DNAJB11: variants seen among roughly 807,000 people sequenced by gnomAD.
The protein encoded by DNAJB11 is dnaJ homolog subfamily B member 11.
DNAJB11 carries 30 observed loss-of-function variants against 47.2 expected under a neutral mutation model. The observed-to-expected ratio is 0.64, with a 90% confidence interval of 0.48 to 0.86. The LOEUF is 0.86. Ranked by LOEUF, DNAJB11 falls within the 40% of genes least tolerant of loss-of-function variation. The pLI, the probability that DNAJB11 is intolerant of heterozygous loss-of-function variation, is 0.00. For synonymous variants in DNAJB11, 151 were observed against 159.9 expected (o/e 0.94, Z 0.42); for missense variants, 357 against 440.2 (o/e 0.81, Z 1.69).
intron 1 of DNAJB11, among the ~76,000 whole-genome samples, chr3:186,571,412 G>A (rs1347989273): frequency 6.6e-6 from 1 of 152,178 alleles, no homozygotes; most frequent in Admixed American, 6.5e-5. Context: ...GCCCCGCTGA[G>A]GTGGAGAAGC....
intron 5 of DNAJB11, 124 bp downstream of exon 5, chr3:186,581,637 G>A (rs1423139579): frequency 2.7e-6 from 3 of 1,127,780 alleles, no homozygotes; most frequent in Non-Finnish European, 3.7e-6. Context: ...TTCTGCAAAA[G>A]GATAGAGCAA....
At chr3:186,580,157 C>G (rs1468927363) in intron 4 of DNAJB11, 2 of 152,182 alleles carry the variant, frequency 1.3e-5, no homozygotes, top group Non-Finnish European at 2.9e-5. Flanking sequence ...GCAGTTGTCA[C>G]TAATACACAG....
Position 186,584,599 on chromosome 3 carries a change from A to C in DNAJB11, c.1012+10A>C. 4.5e-6 allele frequency: 2 copies of C among 446,174 alleles called. No individual in the cohort carries two copies. Among genetic ancestry groups the C allele is most frequent in the Non-Finnish European group, 6.3e-6 (2 of 315,300 alleles). The allele number at this position is 446,174 out of a possible 1,614,324, so 27.6% of individuals were successfully genotyped here. ...GAGGAAGCGAGAGAAGGTATGGCATATTAGTGTGTGTGTGTGTGTGTGTTT... is the reference window on the plus strand; with the variant it reads ...GAGGAAGCGAGAGAAGGTATGGCATCTTAGTGTGTGTGTGTGTGTGTGTTT... On this transcript the variant is annotated intron_variant, in intron 9 of 9. Coordinates refer to ENST00000265028, the MANE Select transcript of DNAJB11 (RefSeq NM_016306.6).
At chr3:186,575,043 A>G (rs1435342332) in intron 2 of DNAJB11, among the ~76,000 whole-genome samples, 5 of 152,228 alleles carry the variant, frequency 3.3e-5, no homozygotes, top group African/African-American at 9.7e-5. Context: ...ATTCTTTAAT[A>G]TACAGAGAGA....
At position 186,585,551 on chromosome 3, in the gene DNAJB11, A is replaced by T. The variant is rs1389819155; in HGVS notation, c.*143A>T. ...TTTATCTAATGATCATCATGAAATG[A>T]ATAAGAGGGCTTAAGAATTTGTCCA... On this transcript the variant is annotated 3_prime_UTR_variant, in exon 10 of 10. Transcript: ENST00000265028. 3 of 514,036 alleles carry T rather than the reference A, an allele frequency of 5.8e-6. No individual in the cohort carries two copies. The highest frequency in any genetic ancestry group is 1.0e-5 in the Non-Finnish European group (3 of 294,066). The allele number at this position is 514,036 out of a possible 1,614,324, so 31.8% of individuals were successfully genotyped here.
At chr3:186,583,740 C>T (rs955404840) in intron 7 of DNAJB11, 125 bp from the exon 8 acceptor site, 3 of 698,536 alleles carry the variant, frequency 4.3e-6, no homozygotes, top group Non-Finnish European at 7.4e-6. Context: ...ATACTACACA[C>T]AAAAGTATGT....
At chr3:186,582,573 T>A in intron 6 of DNAJB11, 143 bp from the exon 7 acceptor site, 1 of 665,854 alleles carries the variant, frequency 1.5e-6, no homozygotes, top group Non-Finnish European at 2.7e-6. Flanking sequence ...TGAAACTTGA[T>A]ACAACCAGGC....
chr3:186,581,825 G>C (rs6770868), intron 5 of DNAJB11, among the ~76,000 whole-genome samples, 170 bp from the exon 6 acceptor site: 1 of 151,752 alleles, frequency 6.6e-6, no homozygotes, highest in African/African-American at 2.4e-5. Context: ...CTTCACCCTG[G>C]ATTTTAGCAT....
intron 7 of DNAJB11, 105 bp downstream of exon 7, chr3:186,582,878 C>A (rs1371140640): frequency 3.6e-6 from 3 of 830,330 alleles, no homozygotes; most frequent in South Asian, 3.0e-5. Flanking sequence ...ACCCTTATTA[C>A]CCTAAACGAT....
At chr3:186,579,565 A>G (rs1715412606) in intron 4 of DNAJB11, 1 of 152,160 alleles carries the variant, frequency 6.6e-6, no homozygotes, top group South Asian at 2.1e-4. Context: ...TATATGTGTT[A>G]TTCAGTTTGT....
At position 186,582,020 on chromosome 3, in the gene DNAJB11, G is replaced by A; in HGVS notation, c.625G>A (p.Glu209Lys). The change falls in exon 6 of 10, where the codon GAA becomes AAA. Residue 209 changes from glutamate (E) to lysine (K), a missense_variant. By Grantham distance (56) the Glu-to-Lys change is moderately conservative. Coordinates refer to ENST00000265028, the MANE Select transcript of DNAJB11 (RefSeq NM_016306.6). ...ACTAGTGAATGAAGAACGAACGCTG[G>A]AAGTAGAAATAGAGCCTGGGGTGAG... is the stretch of plus-strand genomic sequence containing the variant. ...VKLVNEERTL[E>K]VEIEPGVRDG... The A allele has an allele frequency of 6.2e-7, 1 of 1,613,770 alleles. No homozygotes were observed. The highest frequency in any genetic ancestry group is 8.5e-7 in the Non-Finnish European group (1 of 1,179,786).
In DNAJB11 at chr3:186,570,796, C is replaced by A; in HGVS notation, c.-102C>A. On this transcript the variant is annotated 5_prime_UTR_variant, in exon 1 of 10. Coordinates refer to ENST00000265028, the MANE Select transcript of DNAJB11 (RefSeq NM_016306.6). ...GACCAAGGAGACCCCCGCGCCCCCCCGGTGTGAGGCGGCCTCACAGGGCCG... is the reference window on the plus strand; with the variant it reads ...GACCAAGGAGACCCCCGCGCCCCCCAGGTGTGAGGCGGCCTCACAGGGCCG... The A allele has an allele frequency of 9.2e-7, 1 of 1,089,800 alleles. No homozygotes were observed. Among genetic ancestry groups the A allele is most frequent in the Non-Finnish European group, 1.3e-6 (1 of 741,904 alleles). The allele number at this position is 1,089,800 out of a possible 1,614,324, so 67.5% of individuals were successfully genotyped here. A position where few individuals can be genotyped will look rare whatever the true frequency, so the allele number is the denominator to read the frequency against.
intron 4 of DNAJB11, chr3:186,578,321 A>G (rs1715369324): frequency 6.6e-6 from 1 of 152,144 alleles, no homozygotes; most frequent in African/African-American, 2.4e-5. Context: ...GTTTTATTCA[A>G]TTCCAAACAG....
In DNAJB11 at chr3:186,581,658, A is replaced by AT. The variant is rs995944297; in HGVS notation, c.599+152dup. ...AAAAGGATAGAGCAAAACAATGTAC[A>AT]TTTTTTTCTGAAGTATTTGTAAATA... On this transcript the variant is annotated intron_variant, in intron 5 of 9. Coordinates refer to ENST00000265028, the MANE Select transcript of DNAJB11 (RefSeq NM_016306.6). 10 of 974,782 alleles carry AT rather than the reference A, an allele frequency of 1.0e-5. No individual in the cohort carries two copies. The East Asian group carries it at 2.7e-4, about 27-fold the overall frequency. 60.4% of individuals were successfully genotyped at this position (974,782 alleles called of 1,614,324 possible).
chr3:186,585,169 CAT>C (rs770400299), intron 9 of DNAJB11, among the ~76,000 whole-genome samples, 173 bp from the exon 10 acceptor site: 97 of 152,298 alleles, frequency 6.4e-4, no homozygotes, highest in Non-Finnish European at 1.1e-3. Flanking sequence ...CCTGGACACA[CAT>C]GTGCATGTGT....
chr3:186,572,303 A>T, intron 2 of DNAJB11, 52 bp downstream of exon 2: 1 of 1,502,730 alleles, frequency 6.7e-7, no homozygotes. Context: ...CTCTAGAAAA[A>T]ACATACAATA....
intron 6 of DNAJB11, among the ~76,000 whole-genome samples, chr3:186,582,313 A>G (rs1715514008): frequency 6.6e-6 from 1 of 152,236 alleles, no homozygotes; most frequent in African/African-American, 2.4e-5. Flanking sequence ...AGGTAGCCTA[A>G]GTTTCATCAA....
At chr3:186,573,048 T>C (rs1442821077) in intron 2 of DNAJB11, among the ~76,000 whole-genome samples, 1 of 152,184 alleles carries the variant, frequency 6.6e-6, no homozygotes, top group Non-Finnish European at 1.5e-5. Flanking sequence ...CTCATGTGTA[T>C]CATCTCATTT....
At chr3:186,571,057 A>T (rs1715031335) in intron 1 of DNAJB11, 92 bp downstream of exon 1, 11 of 1,153,558 alleles carry the variant, frequency 9.5e-6, no homozygotes, top group Non-Finnish European at 1.3e-5. Flanking sequence ...TGCCAGACTG[A>T]CGGAGTGGAG....
Sources: allele counts gnomAD v4.1 joint callset (sites outside exome capture counted in the v4.1 genomes callset), GRCh38; gene constraint gnomAD v4.1.1; transcripts MANE v1.5; gene names NCBI Gene and HGNC (gene_info 2026-07-23, HGNC 2026-07-21).